Variants in NUMB observed in about 807,000 individuals in gnomAD.
NUMB encodes the protein NUMB endocytic adaptor protein, also known as protein numb homolog.
Under a neutral mutation model 59.7 loss-of-function variants are expected in NUMB, and 29 were observed. The observed-to-expected ratio is 0.49, with a 90% confidence interval of 0.36 to 0.66. The LOEUF is 0.66. NUMB is among the 30% of genes least tolerant of loss of function. The pLI is 0.00. For synonymous variants in NUMB, 288 were observed against 288.2 expected, an observed-to-expected ratio of 1.00 and a Z score of 0.01; for missense variants, 723 against 822.0, an observed-to-expected ratio of 0.88 and a Z score of 1.47.
intron 6 of NUMB, among the ~76,000 whole-genome samples, chr14:73,301,996 T>C (rs1183400183): frequency 6.6e-6 from 1 of 152,036 alleles, no homozygotes; most frequent in African/African-American, 2.4e-5. Flanking sequence ...GGCAGGAGAA[T>C]TGCTTGAACC....
chr14:73,451,967 G>GT (rs1037153571), intron 1 of NUMB, among the ~76,000 whole-genome samples: 5 of 152,140 alleles, frequency 3.3e-5, no homozygotes, highest in African/African-American at 4.8e-5. Flanking sequence ...TTAAAAGAAC[G>GT]TAAGATAGCC....
At chr14:73,456,421 T>C (rs560853920) in intron 1 of NUMB, among the ~76,000 whole-genome samples, 1 of 152,356 alleles carries the variant, frequency 6.6e-6, no homozygotes, top group South Asian at 2.1e-4. Context: ...TCAGACTTTT[T>C]TAACTGTAAG....
chr14:73,366,623 CACA>C (rs1238602594), intron 3 of NUMB, among the ~76,000 whole-genome samples: 5 of 152,252 alleles, frequency 3.3e-5, no homozygotes, highest in East Asian at 1.9e-4. Flanking sequence ...CCCAATGTCA[CACA>C]ACAAGTAAAT....
chr14:73,335,925 G>A (rs56349477), intron 4 of NUMB, among the ~76,000 whole-genome samples: 5,802 of 152,276 alleles, frequency 0.038, 156 homozygotes, highest in Non-Finnish European at 0.061. Context: ...TAACCAAAGA[G>A]GAATAGTTAA....
chr14:73,277,084 C>T lies in NUMB; in HGVS notation c.1450G>A (p.Gly484Arg), dbSNP rs1888216319. The T allele has an allele frequency of 6.2e-7, 1 of 1,614,080 alleles. No individual in the cohort carries two copies. Residue 484 changes from glycine (G) to arginine (R), a missense_variant, in exon 13 of 13, where the codon GGG (glycine) becomes AGG (arginine). By Grantham distance (125) the Gly-to-Arg change is moderately radical. Transcript: ENST00000555238. ...AISQPASPFQ[G>R]NAFLTSQPVP... ...GGCTGAGAGGTGAGGAATGCATTCC[C>T]TTGGAAAGGTGATGCTGGCTGGGAG...
intron 4 of NUMB, among the ~76,000 whole-genome samples, chr14:73,332,769 C>G (rs996925731): frequency 1.2e-4 from 4 of 33,230 alleles, no homozygotes; most frequent in Admixed American, 3.4e-4. Flanking sequence ...TCCACTGCCC[C>G]TCCCCACAGC....
At chr14:73,443,582 CA>C (rs1883237282) in intron 1 of NUMB, among the ~76,000 whole-genome samples, 1 of 116,850 alleles carries the variant, frequency 8.6e-6, no homozygotes, top group Non-Finnish European at 1.7e-5. Context: ...GCAACAAGAG[CA>C]AAACTCCATC....
chr14:73,282,199 C>T (rs995042717), intron 11 of NUMB, 160 bp downstream of exon 11: 7 of 603,052 alleles, frequency 1.2e-5, no homozygotes, highest in Non-Finnish European at 1.9e-5. Flanking sequence ...ACAAAGACAT[C>T]GTCGAATGGA....
chr14:73,297,845 G>A (rs139949524), intron 6 of NUMB: 9 of 152,084 alleles, frequency 5.9e-5, no homozygotes, highest in East Asian at 3.9e-4. Flanking sequence ...TCTTTAAAAA[G>A]CCATTATTTG....
chr14:73,279,638 G>A (rs984197820), intron 11 of NUMB, among the ~76,000 whole-genome samples: 6 of 152,222 alleles, frequency 3.9e-5, no homozygotes, highest in African/African-American at 1.4e-4. Flanking sequence ...TGGTTGTATA[G>A]ATAAAGTCAA....
chr14:73,309,236 A>G (rs1316690504), intron 6 of NUMB, among the ~76,000 whole-genome samples: 1 of 152,188 alleles, frequency 6.6e-6, no homozygotes, highest in African/African-American at 2.4e-5. Flanking sequence ...TACCCAAAAG[A>G]ATATAAATCA....
intron 1 of NUMB, among the ~76,000 whole-genome samples, chr14:73,450,949 C>T (rs1389762469): frequency 2.0e-5 from 3 of 151,852 alleles, no homozygotes; most frequent in African/African-American, 7.3e-5. Flanking sequence ...GCCAGGAGTT[C>T]AAGACTAGCC....
chr14:73,318,743 G>C (rs1267901495), intron 5 of NUMB, among the ~76,000 whole-genome samples: 1 of 152,196 alleles, frequency 6.6e-6, no homozygotes, highest in Non-Finnish European at 1.5e-5. Flanking sequence ...AAGTAAATGA[G>C]TTGAAAATAG....
intron 4 of NUMB, among the ~76,000 whole-genome samples, chr14:73,342,081 G>A (rs1892665775): frequency 6.6e-6 from 1 of 152,108 alleles, no homozygotes; most frequent in African/African-American, 2.4e-5. Context: ...ATTTGTTTTA[G>A]AGAGACAAGG....
chr14:73,379,189 A>C (rs928725478), intron 2 of NUMB, among the ~76,000 whole-genome samples: 1 of 152,230 alleles, frequency 6.6e-6, no homozygotes, highest in Non-Finnish European at 1.5e-5. Context: ...TCACATTTCT[A>C]AATCTTATCA....
chr14:73,351,740 G>A (rs1478515998), intron 4 of NUMB, among the ~76,000 whole-genome samples: 1 of 151,960 alleles, frequency 6.6e-6, no homozygotes, highest in African/African-American at 2.4e-5. Context: ...ACTTTGGGAG[G>A]CTGAGATGGG....
In NUMB at chr14:73,440,688, G is replaced by A. The variant is rs548444937; in HGVS notation, c.-233+17805C>T. 5.3e-5 allele frequency among the ~76,000 whole-genome samples: 8 copies of A among 151,700 alleles called. No individual in the cohort carries two copies. The South Asian group carries it at 1.0e-3, about 20-fold the overall frequency. On this transcript the variant is annotated intron_variant, in intron 1 of 12. Transcript: ENST00000555238. ...CTACTAAAAATACAAAAAATTAGCC[G>A]GGTGTGGTGGCAGGTGCCTATAATC...
At chr14:73,310,294 G>A (rs1223692447) in intron 6 of NUMB, among the ~76,000 whole-genome samples, 1 of 152,144 alleles carries the variant, frequency 6.6e-6, no homozygotes, top group Non-Finnish European at 1.5e-5. Flanking sequence ...ATATTGTTTT[G>A]CCAGGTCTGC....
At chr14:73,451,231 T>C (rs1320679631) in intron 1 of NUMB, among the ~76,000 whole-genome samples, 1 of 142,962 alleles carries the variant, frequency 7.0e-6, no homozygotes, top group Non-Finnish European at 1.5e-5. Flanking sequence ...AGGTCAGGAG[T>C]TCAATACCAG....
Sources: allele counts gnomAD v4.1 joint callset (sites outside exome capture counted in the v4.1 genomes callset), GRCh38; gene constraint gnomAD v4.1.1; transcripts MANE v1.5; gene names NCBI Gene and HGNC (gene_info 2026-07-23, HGNC 2026-07-21).